Variants in PTGFR observed in about 807,000 individuals in gnomAD.
PTGFR encodes prostaglandin F receptor, also known as prostaglandin F2-alpha receptor.
In PTGFR, 15 loss-of-function variants were observed where a neutral mutation model predicts 26.2. The observed-to-expected ratio is 0.57, with a 90% CI of 0.38 to 0.88. The LOEUF (loss-of-function observed/expected upper bound fraction) is 0.88, where lower values mean the gene tolerates loss of function less well. Ranked by LOEUF, PTGFR falls within the 40% of genes least tolerant of loss-of-function variation. The pLI is 0.00. For missense variants in PTGFR, 369 were observed against 427.2 expected (o/e 0.86, Z 1.20); for synonymous variants, 165 against 151.1 (o/e 1.09, Z -0.68).
At chr1:78,534,686 T>A (rs1650603566) in intron 2 of PTGFR, among the ~76,000 whole-genome samples, 2 of 148,278 alleles carry the variant, frequency 1.3e-5, no homozygotes, top group Non-Finnish European at 3.0e-5. Context: ...ATGAACAAAA[T>A]TACATATTTG....
Position 78,524,395 on chromosome 1 carries a change from A to ACCTAGAT in PTGFR, c.799-12010_799-12004dup, listed in dbSNP as rs557626266. 1.6e-4 allele frequency among the ~76,000 whole-genome samples: 24 copies of ACCTAGAT among 152,222 alleles called. No homozygotes were observed. In the South Asian group the frequency reaches 4.8e-3, roughly 30 times the overall value. ...TCTTGAAGTGACTTCAGAACCAAAT[A>ACCTAGAT]CCTAGATTCGACTTATAATAGATGC... On this transcript the variant is annotated intron_variant, in intron 2 of 2. Coordinates refer to ENST00000370757, the MANE Select transcript of PTGFR (RefSeq NM_000959.4).
intron 2 of PTGFR, among the ~76,000 whole-genome samples, chr1:78,495,073 A>C (rs1649512929): frequency 6.6e-6 from 1 of 152,234 alleles, no homozygotes; most frequent in Non-Finnish European, 1.5e-5. Flanking sequence ...TCACAACCTG[A>C]ATTTGGCTTC....
chr1:78,509,701 T>C (rs1220633626), intron 2 of PTGFR, among the ~76,000 whole-genome samples: 1 of 152,248 alleles, frequency 6.6e-6, no homozygotes, highest in Non-Finnish European at 1.5e-5. Flanking sequence ...TTCCATTGCA[T>C]GCTATTGACT....
chr1:78,531,399 C>CT (rs1260289302), intron 2 of PTGFR, among the ~76,000 whole-genome samples: 1 of 152,108 alleles, frequency 6.6e-6, no homozygotes, highest in African/African-American at 2.4e-5. Flanking sequence ...TCCCTACTTC[C>CT]TTCTCTTCAC....
chr1:78,514,071 T>C (rs1570283343), intron 2 of PTGFR, among the ~76,000 whole-genome samples: 1 of 152,156 alleles, frequency 6.6e-6, no homozygotes. Flanking sequence ...TTCTTGGGTA[T>C]TGCAGAGGGA....
intron 2 of PTGFR, among the ~76,000 whole-genome samples, chr1:78,518,599 CACACACACACACACACACACAT>C (rs770164384): frequency 1.7e-4 from 26 of 150,028 alleles, no homozygotes; most frequent in African/African-American, 5.4e-4. Flanking sequence ...CACACACACA[CACACACACACACACACACACAT>C]ACGCATTTAT....
At chr1:78,497,983 G>T in intron 2 of PTGFR, 1 of 1,437,968 alleles carries the variant, frequency 7.0e-7, no homozygotes, top group South Asian at 1.2e-5. Context: ...TGCAAATGTA[G>T]AATTGGAGCT....
At position 78,493,408 on chromosome 1, in the gene PTGFR, T is replaced by G; in HGVS notation, c.665T>G (p.Ile222Ser). ...GGTGTTTCATTGTTGTGCAATGCAATCACAGGAATTACACTTTTAAGAGTT... is the reference window on the plus strand; with the variant it reads ...GGTGTTTCATTGTTGTGCAATGCAAGCACAGGAATTACACTTTTAAGAGTT... ...ALGVSLLCNA[I>S]TGITLLRVKF... The change falls in exon 2 of 3, where the codon ATC becomes AGC. Residue 222 changes from isoleucine (I) to serine (S), a missense_variant. Ile to Ser is a moderately radical substitution (Grantham distance 142, BLOSUM62 -2). Coordinates refer to ENST00000370757, the MANE Select transcript of PTGFR (RefSeq NM_000959.4). The G allele has an allele frequency of 1.2e-6, 2 of 1,613,626 alleles. No individual in the cohort carries two copies. The highest frequency in any genetic ancestry group is 1.7e-6 in the Non-Finnish European group (2 of 1,179,776).
chr1:78,492,634 A>T, intron 1 of PTGFR, 38 bp from the exon 2 acceptor site: 2 of 1,048,644 alleles, frequency 1.9e-6, no homozygotes, highest in Non-Finnish European at 2.7e-6. Context: ...GATGAGCAGT[A>T]ATGCGGTGTT....
intron 2 of PTGFR, among the ~76,000 whole-genome samples, chr1:78,506,844 C>CT (rs1425499518): frequency 3.3e-5 from 5 of 151,936 alleles, no homozygotes; most frequent in African/African-American, 1.2e-4. Flanking sequence ...TTTCCTGTTT[C>CT]TTTGTTTATT....
At chr1:78,511,260 G>A (rs914839232) in intron 2 of PTGFR, among the ~76,000 whole-genome samples, 1 of 152,220 alleles carries the variant, frequency 6.6e-6, no homozygotes, top group African/African-American at 2.4e-5. Context: ...GAGGCTTTCT[G>A]TGGGGGCCCT....
intron 2 of PTGFR, among the ~76,000 whole-genome samples, chr1:78,518,376 CTT>C (rs1397606473): frequency 6.6e-6 from 1 of 151,800 alleles, no homozygotes; most frequent in African/African-American, 2.4e-5. Context: ...TTTTATTACT[CTT>C]TTATTATTTC....
At chr1:78,507,665 A>G (rs1242518047) in intron 2 of PTGFR, among the ~76,000 whole-genome samples, 1 of 152,184 alleles carries the variant, frequency 6.6e-6, no homozygotes, top group Non-Finnish European at 1.5e-5. Flanking sequence ...AAACAGTTGA[A>G]AAGTTATGTA....
Position 78,493,295 on chromosome 1 carries a change from C to T in PTGFR, c.552C>T (p.Thr184=), listed in dbSNP as rs753042266. 3 of 1,614,172 alleles carry T rather than the reference C, an allele frequency of 1.9e-6. No individual in the cohort carries two copies. Among genetic ancestry groups the T allele is most frequent in the South Asian group, 2.2e-5 (2 of 91,076 alleles). Residue 184 remains threonine (T), a synonymous_variant, in exon 2 of 3, where the codon ACC becomes ACT. Transcript: ENST00000370757. ...HRDYKIQASR[T]WCFYNTEDIK... ...ACTATAAAATTCAGGCGTCGAGGAC[C>T]TGGTGTTTCTACAACACAGAAGACA...
chr1:78,516,411 C>T (rs1570285291), intron 2 of PTGFR, among the ~76,000 whole-genome samples: 1 of 152,084 alleles, frequency 6.6e-6, no homozygotes, highest in African/African-American at 2.4e-5. Flanking sequence ...ATGAAGAAAA[C>T]ACAAAGACAT....
In PTGFR at chr1:78,536,854, G is replaced by A; in HGVS notation, c.*167G>A. ...GTTTTGAAATTTGTCAAATAAACAG[G>A]ATAACTGTACATTTTTCACTTGTTT... On this transcript the variant is annotated 3_prime_UTR_variant, in exon 3 of 3. Transcript: ENST00000370757. The A allele has an allele frequency of 6.3e-6, 5 of 787,890 alleles. No homozygotes were observed. The South Asian group carries it at 1.1e-4, about 17-fold the overall frequency. The allele number at this position is 787,890 out of a possible 1,614,324, so 48.8% of individuals were successfully genotyped here.
intron 2 of PTGFR, among the ~76,000 whole-genome samples, chr1:78,530,591 TGACCTA>T (rs1471060858): frequency 6.6e-6 from 1 of 152,138 alleles, no homozygotes; most frequent in Non-Finnish European, 1.5e-5. Context: ...TTGTTTGGCT[TGACCTA>T]GAGCAAGTTA....
intron 2 of PTGFR, among the ~76,000 whole-genome samples, chr1:78,508,509 A>G (rs1318205379): frequency 6.6e-6 from 1 of 152,100 alleles, no homozygotes; most frequent in Admixed American, 6.6e-5. Context: ...TGCTCCAAGT[A>G]CAGCCTAGGA....
chr1:78,492,692 C>T lies in PTGFR; in HGVS notation c.-52C>T, dbSNP rs1426771202. On this transcript the variant is annotated 5_prime_UTR_variant, in exon 2 of 3. Coordinates refer to ENST00000370757, the MANE Select transcript of PTGFR (RefSeq NM_000959.4). ...TACAGATGTCTGGACTGCAATCCTGCACAGTTTTGAGAGGGAGATGACTTG... is the reference window on the plus strand; with the variant it reads ...TACAGATGTCTGGACTGCAATCCTGTACAGTTTTGAGAGGGAGATGACTTG... The T allele has an allele frequency of 3.9e-6, 6 of 1,522,868 alleles. No homozygotes were observed. Among genetic ancestry groups the T allele is most frequent in the Non-Finnish European group, 4.5e-6 (5 of 1,121,002 alleles). 94.3% of individuals were successfully genotyped at this position (1,522,868 alleles called of 1,614,324 possible). A position where few individuals can be genotyped will look rare whatever the true frequency, so the allele number is the denominator to read the frequency against.
Sources: allele counts gnomAD v4.1 joint callset (sites outside exome capture counted in the v4.1 genomes callset), GRCh38; gene constraint gnomAD v4.1.1; transcripts MANE v1.5; gene names NCBI Gene and HGNC (gene_info 2026-07-23, HGNC 2026-07-21).